PLCZ1: variants seen among roughly 807,000 people sequenced by gnomAD.
PLCZ1 encodes phospholipase C zeta 1, also known as 1-phosphatidylinositol 4,5-bisphosphate phosphodiesterase zeta-1.
A neutral mutation model predicts 76.8 loss-of-function variants in PLCZ1; 64 were observed. The observed-to-expected ratio is 0.83, with a 90% CI of 0.68 to 1.03. The LOEUF (loss-of-function observed/expected upper bound fraction) is 1.03, where lower values mean the gene tolerates loss of function less well. PLCZ1 is among the 50% of genes least tolerant of loss of function. PLCZ1 has a pLI of 0.00. For synonymous variants in PLCZ1, 248 were observed against 230.8 expected (o/e 1.07, Z -0.68); for missense variants, 751 against 713.7 (o/e 1.05, Z -0.60).
chr12:18,691,970 G>C (rs1281725771), intron 12 of PLCZ1, among the ~76,000 whole-genome samples: 1 of 152,130 alleles, frequency 6.6e-6, no homozygotes, highest in Non-Finnish European at 1.5e-5. Context: ...TCTCAGCTGA[G>C]ATAAAGTGGC....
At chr12:18,693,050 G>A in intron 12 of PLCZ1, 6 of 1,474,042 alleles carry the variant, frequency 4.1e-6, no homozygotes, top group East Asian at 2.3e-5. Context: ...TAGAAGAAAA[G>A]CAAGAAGGGA....
At chr12:18,679,656 A>G (rs1419124860), downstream of PLCZ1, among the ~76,000 whole-genome samples, 2 of 151,984 alleles carry the variant, frequency 1.3e-5, no homozygotes, top group African/African-American at 4.8e-5. Context: ...ATTTTTATTA[A>G]TATTAGGCAC....
At chr12:18,693,151 C>T (rs542501668) in intron 12 of PLCZ1, 173 of 1,522,776 alleles carry the variant, frequency 1.1e-4, no homozygotes, top group Middle Eastern at 8.2e-4. Context: ...ATCGTGTCTA[C>T]ATCTGTGGGC....
chr12:18,666,987 A>G, the PLCZ1 span, among the ~76,000 whole-genome samples: 3 of 152,328 alleles, frequency 2.0e-5, no homozygotes, highest in South Asian at 2.1e-4. Flanking sequence ...AGTAGCAATC[A>G]TGGCCTAGAA....
At chr12:18,661,897 T>A in the PLCZ1 span, among the ~76,000 whole-genome samples, 26 of 152,100 alleles carry the variant, frequency 1.7e-4, no homozygotes, top group Admixed American at 1.6e-3. Context: ...TGGATTTTTT[T>A]AAATGAAGTA....
At chr12:18,670,854 G>A in the PLCZ1 span, among the ~76,000 whole-genome samples, 1 of 152,070 alleles carries the variant, frequency 6.6e-6, no homozygotes, top group Admixed American at 6.6e-5. Context: ...AAATCAGTTA[G>A]GAAGCTTTCA....
Position 18,709,930 on chromosome 12 carries a change from A to AT in PLCZ1, c.714+2911dup, listed in dbSNP as rs1208307298. Among the ~76,000 whole-genome samples the AT allele has an allele frequency of 7.2e-5, 11 of 151,770 alleles. No homozygotes were observed. In the East Asian group the frequency reaches 2.1e-3, roughly 29 times the overall value. On this transcript the variant is annotated intron_variant, in intron 6 of 14. Coordinates refer to ENST00000266505, the MANE Select transcript of PLCZ1 (RefSeq NM_033123.4). ...TCATTTTTATACTATTGTAAATGAG[A>AT]TTTTTTCTTAATTTCTTTCAATTAG...
chr12:18,655,894 CAT>C, the PLCZ1 span, among the ~76,000 whole-genome samples: 2 of 152,230 alleles, frequency 1.3e-5, no homozygotes, highest in Non-Finnish European at 2.9e-5. Flanking sequence ...CTTCAGGAGA[CAT>C]GACTACTCTA....
chr12:18,725,163 A>G (rs1958678652), intron 3 of PLCZ1, among the ~76,000 whole-genome samples: 1 of 152,210 alleles, frequency 6.6e-6, no homozygotes, highest in Admixed American at 6.5e-5. Flanking sequence ...GAATAGTGAG[A>G]GTTGTATCAC....
chr12:18,662,153 T>C, the PLCZ1 span, among the ~76,000 whole-genome samples: 6 of 151,970 alleles, frequency 3.9e-5, no homozygotes, highest in South Asian at 4.1e-4. Flanking sequence ...AGGGTGAAGA[T>C]TGAAAAACCA....
the PLCZ1 span, among the ~76,000 whole-genome samples, chr12:18,674,898 G>A: frequency 6.6e-6 from 1 of 152,092 alleles, no homozygotes; most frequent in African/African-American, 2.4e-5. Context: ...AAGGTAACCT[G>A]GGGAGAGAGA....
chr12:18,714,676 G>C (rs1957738739), intron 5 of PLCZ1: 1 of 152,102 alleles, frequency 6.6e-6, no homozygotes, highest in Non-Finnish European at 1.5e-5. Flanking sequence ...CAGGCTACTG[G>C]TTTTCCACTG....
the PLCZ1 span, among the ~76,000 whole-genome samples, chr12:18,648,946 G>GA: frequency 7.9e-5 from 12 of 151,804 alleles, no homozygotes; most frequent in African/African-American, 1.9e-4. Flanking sequence ...GTGTATGAAT[G>GA]AAAAAAAATC....
the PLCZ1 span, among the ~76,000 whole-genome samples, chr12:18,655,683 T>C: frequency 1.3e-5 from 2 of 151,564 alleles, no homozygotes; most frequent in Non-Finnish European, 2.9e-5. Context: ...CTTGACAAGA[T>C]GTGATGAAAG....
At chr12:18,657,846 A>G in the PLCZ1 span, among the ~76,000 whole-genome samples, 1 of 152,154 alleles carries the variant, frequency 6.6e-6, no homozygotes, top group Non-Finnish European at 1.5e-5. Context: ...AATAGAAATT[A>G]TCCCTAAGGA....
the PLCZ1 span, chr12:18,648,216 A>C: frequency 2.0e-5 from 7 of 345,780 alleles, no homozygotes; most frequent in Middle Eastern, 7.7e-4. Context: ...GTTTTTTCAT[A>C]ATCTTTTCTC....
chr12:18,648,717 T>A, the PLCZ1 span, among the ~76,000 whole-genome samples: 1 of 152,236 alleles, frequency 6.6e-6, no homozygotes, highest in Admixed American at 6.6e-5. Flanking sequence ...AACTCTCCCT[T>A]CTGATCAAAT....
Position 18,712,877 on chromosome 12 carries a change from T to C in PLCZ1, c.679A>G (p.Thr227Ala). Residue 227 changes from threonine (T) to alanine (A), a missense_variant, in exon 6 of 15, where the codon ACT becomes GCT. By Grantham distance (58) the Thr-to-Ala change is moderately conservative. Transcript: ENST00000266505. ...TACTTGTGTATAGCTTGGATAACAG[T>C]TTTAAACAGAAGTTTGCTTGTGAGT... ...YTLTSKLLFKTVIQAIHKYAF... is the reference protein window; with the variant it reads ...YTLTSKLLFKAVIQAIHKYAF... 1.2e-6 allele frequency: 2 copies of C among 1,613,832 alleles called. No homozygotes were observed. Among genetic ancestry groups the C allele is most frequent in the African/African-American group, 1.3e-5 (1 of 75,020 alleles).
intron 3 of PLCZ1, among the ~76,000 whole-genome samples, chr12:18,729,331 T>C (rs995767745): frequency 2.0e-5 from 3 of 152,118 alleles, no homozygotes; most frequent in African/African-American, 7.2e-5. Context: ...TCATGGCATC[T>C]TCTATAAAAG....
Sources: gnomAD v4.1 joint callset for allele counts (sites outside exome capture counted in the v4.1 genomes callset) on GRCh38, gnomAD v4.1.1 for gene constraint, MANE v1.5 for transcripts, NCBI Gene and HGNC (gene_info 2026-07-23, HGNC 2026-07-21) for gene names.